LNX1: variants seen among roughly 807,000 people sequenced by gnomAD.
The protein encoded by LNX1 is E3 ubiquitin-protein ligase LNX.
A neutral mutation model predicts 68.4 loss-of-function variants in LNX1; 54 were observed. That is an observed-to-expected ratio of 0.79 (90% CI 0.63 to 0.99). The LOEUF (loss-of-function observed/expected upper bound fraction) is 0.99. Ranked by LOEUF, LNX1 falls within the 50% of genes least tolerant of loss-of-function variation. LNX1 has a pLI of 0.00. For missense variants in LNX1, 906 were observed against 926.4 expected (o/e 0.98, Z 0.29); for synonymous variants, 336 against 350.0 (o/e 0.96, Z 0.45).
Position 53,461,441 on chromosome 4 carries a change from C to T in LNX1, c.2045G>A (p.Arg682Lys), listed in dbSNP as rs981881410. ...GATTAGTCATTATTATTACCTAATT[C>T]TTCCATCATTGTATGCTGGTGTTCC... Reference protein sequence around the residue: ...VEGTPAYNDGRIRCGDILLAV... With the variant: ...VEGTPAYNDGKIRCGDILLAV... Residue 682 changes from arginine to lysine, a missense_variant, in exon 10 of 11, where the codon AGA (arginine) becomes AAA (lysine). Coordinates refer to ENST00000263925, the MANE Select transcript of LNX1 (RefSeq NM_001126328.3). 17 of 1,604,878 alleles carry T rather than the reference C, an allele frequency of 1.1e-5. No individual in the cohort carries two copies. The highest frequency in any genetic ancestry group is 1.4e-5 in the Non-Finnish European group (16 of 1,175,350).
intron 1 of LNX1, among the ~76,000 whole-genome samples, chr4:53,650,045 G>A (rs527292917): frequency 1.3e-5 from 2 of 152,220 alleles, no homozygotes; most frequent in East Asian, 3.8e-4. Context: ...TGAGCAGAGA[G>A]TGAGCAGCCC....
intron 4 of LNX1, 45 bp downstream of exon 4, chr4:53,507,272 G>A: frequency 6.3e-7 from 1 of 1,590,782 alleles, no homozygotes; most frequent in Non-Finnish European, 8.6e-7. Context: ...AGTCCCCCTG[G>A]AAGCCCAGCC....
upstream of LNX1, chr4:53,594,096 G>C (rs767544337): frequency 2.6e-5 from 4 of 151,546 alleles, no homozygotes; most frequent in Non-Finnish European, 4.4e-5. Flanking sequence ...TCTCCATTTG[G>C]AAATTAATTA....
chr4:53,585,380 C>A (rs1732102488), intron 1 of LNX1, among the ~76,000 whole-genome samples: 1 of 152,132 alleles, frequency 6.6e-6, no homozygotes, highest in African/African-American at 2.4e-5. Flanking sequence ...GACAAGAAAT[C>A]TCTCCATAAG....
chr4:53,556,149 G>A (rs567315719), intron 2 of LNX1, among the ~76,000 whole-genome samples: 4 of 152,226 alleles, frequency 2.6e-5, no homozygotes, highest in East Asian at 1.9e-4. Flanking sequence ...CCAGTGATAA[G>A]TTTCCTTATA....
intron 4 of LNX1, among the ~76,000 whole-genome samples, chr4:53,501,298 T>TGGGG (rs1553932758): frequency 8.4e-4 from 8 of 9,488 alleles, no homozygotes; most frequent in East Asian, 4.5e-3. Context: ...TTTTTTTTTT[T>TGGGG]TGGGGGTGGG....
chr4:53,643,457 T>C (rs551341601), intron 1 of LNX1, among the ~76,000 whole-genome samples: 353 of 152,112 alleles, frequency 2.3e-3, no homozygotes, highest in African/African-American at 7.9e-3. Context: ...TCAAGAAACC[T>C]TGGTCTTTAT....
chr4:53,558,954 G>A (rs946572102), intron 2 of LNX1, among the ~76,000 whole-genome samples: 3 of 152,166 alleles, frequency 2.0e-5, no homozygotes, highest in African/African-American at 7.2e-5. Context: ...CTTCTTTGCA[G>A]GCCTAAGCTC....
intron 2 of LNX1, among the ~76,000 whole-genome samples, chr4:53,612,339 C>T (rs1440064563): frequency 6.6e-6 from 1 of 152,194 alleles, no homozygotes; most frequent in Non-Finnish European, 1.5e-5. Flanking sequence ...ATTTAAAATA[C>T]AGACAGTCTT....
At chr4:53,536,070 A>C (rs1043395565) in intron 2 of LNX1, among the ~76,000 whole-genome samples, 5 of 152,210 alleles carry the variant, frequency 3.3e-5, no homozygotes, top group African/African-American at 1.2e-4. Flanking sequence ...AGCATTTTAC[A>C]GTACCCTGTA....
At chr4:53,472,353 G>GTCC (rs1723256726) in intron 9 of LNX1, among the ~76,000 whole-genome samples, 3 of 152,086 alleles carry the variant, frequency 2.0e-5, no homozygotes, top group African/African-American at 7.2e-5. Flanking sequence ...TGGGGGATGG[G>GTCC]GGAGGGATAG....
intron 2 of LNX1, among the ~76,000 whole-genome samples, chr4:53,600,294 G>A (rs1221054743): frequency 6.6e-6 from 1 of 152,022 alleles, no homozygotes; most frequent in African/African-American, 2.4e-5. Flanking sequence ...AGTGACTCGA[G>A]GACACATGCA....
chr4:53,580,152 A>G (rs1383111864), intron 1 of LNX1, among the ~76,000 whole-genome samples: 1 of 152,186 alleles, frequency 6.6e-6, no homozygotes, highest in African/African-American at 2.4e-5. Flanking sequence ...GATAGCTTTG[A>G]TTAATAGAGG....
intron 2 of LNX1, among the ~76,000 whole-genome samples, chr4:53,568,500 A>T (rs1459676208): frequency 6.6e-6 from 1 of 152,014 alleles, no homozygotes; most frequent in Non-Finnish European, 1.5e-5. Flanking sequence ...CATATTTCAA[A>T]ATAATAAGAG....
intron 2 of LNX1, among the ~76,000 whole-genome samples, chr4:53,532,994 G>A (rs1404297812): frequency 6.6e-6 from 1 of 152,156 alleles, no homozygotes; most frequent in African/African-American, 2.4e-5. Flanking sequence ...GTTTTCCTGG[G>A]GTTACACAAC....
chr4:53,561,121 G>GCTTACTGTATCCT (rs1279711379), intron 2 of LNX1, among the ~76,000 whole-genome samples: 8 of 152,338 alleles, frequency 5.3e-5, no homozygotes, highest in African/African-American at 1.9e-4. Context: ...GAAGGTCACA[G>GCTTACTGTATCCT]TAAGGATGTA....
At chr4:53,553,045 A>C (rs979355415) in intron 2 of LNX1, among the ~76,000 whole-genome samples, 2 of 152,086 alleles carry the variant, frequency 1.3e-5, no homozygotes, top group Admixed American at 1.3e-4. Context: ...AACATTTAGG[A>C]GTTGGCCAAG....
intron 2 of LNX1, among the ~76,000 whole-genome samples, chr4:53,556,266 T>A (rs930925980): frequency 1.3e-5 from 2 of 152,122 alleles, no homozygotes; most frequent in African/African-American, 4.8e-5. Context: ...AAGGAACACC[T>A]GCAGCACCCC....
intron 1 of LNX1, among the ~76,000 whole-genome samples, chr4:53,632,177 G>C (rs1208747188): frequency 6.6e-6 from 1 of 152,178 alleles, no homozygotes; most frequent in Non-Finnish European, 1.5e-5. Flanking sequence ...GAGGCTGGCC[G>C]CTGCGGTGGC....
Sources: allele counts gnomAD v4.1 joint callset (sites outside exome capture counted in the v4.1 genomes callset), GRCh38; gene constraint gnomAD v4.1.1; transcripts MANE v1.5; gene names NCBI Gene and HGNC (gene_info 2026-07-23, HGNC 2026-07-21).